SYN3: variants seen among roughly 807,000 people sequenced by gnomAD.
SYN3 encodes the protein synapsin-3.
Under a neutral mutation model 65.8 loss-of-function variants are expected in SYN3, and 35 were observed. The ratio of observed to expected loss-of-function variants is 0.53; its 90% CI spans 0.41 to 0.70. The LOEUF (loss-of-function observed/expected upper bound fraction) is 0.70. Among genes scored for constraint, SYN3 ranks in the 30% least tolerant of loss-of-function variants. SYN3 has a pLI of 0.00. For synonymous variants in SYN3, 270 were observed against 292.9 expected, an observed-to-expected ratio of 0.92 and a Z score of 0.80; for missense variants, 680 against 749.0, an observed-to-expected ratio of 0.91 and a Z score of 1.08.
intron 6 of SYN3, among the ~76,000 whole-genome samples, chr22:32,729,649 C>T (rs551513308): frequency 2.0e-5 from 3 of 152,220 alleles, no homozygotes; most frequent in Admixed American, 2.0e-4. Flanking sequence ...AATGACATCA[C>T]TCTCACTGAC....
intron 1 of SYN3, among the ~76,000 whole-genome samples, chr22:33,055,417 G>A (rs1436920317): frequency 6.6e-6 from 1 of 152,128 alleles, no homozygotes; most frequent in African/African-American, 2.4e-5. Flanking sequence ...TGATCTTGGC[G>A]TTGCCGGATC....
intron 6 of SYN3, among the ~76,000 whole-genome samples, chr22:32,646,886 G>A (rs949807672): frequency 8.5e-5 from 13 of 152,232 alleles, no homozygotes; most frequent in Non-Finnish European, 1.8e-4. Context: ...AGTGAGTGGA[G>A]ACCTGTTTGG....
intron 3 of SYN3, among the ~76,000 whole-genome samples, chr22:32,950,894 G>T (rs1601768087): frequency 6.6e-6 from 1 of 152,152 alleles, no homozygotes; most frequent in East Asian, 1.9e-4. Context: ...GGGTGGTGCT[G>T]GTGATTGTCA....
intron 6 of SYN3, among the ~76,000 whole-genome samples, chr22:32,599,238 TG>T (rs1479861280): frequency 6.6e-6 from 1 of 152,108 alleles, no homozygotes; most frequent in East Asian, 1.9e-4. Flanking sequence ...ATTTCACATA[TG>T]GAAAAAGCCT....
intron 5 of SYN3, among the ~76,000 whole-genome samples, chr22:32,867,403 CA>C (rs1276308248): frequency 6.6e-6 from 1 of 152,194 alleles, no homozygotes; most frequent in Admixed American, 6.5e-5. Flanking sequence ...CTAGGACTTA[CA>C]ACAGCACCTG....
rs2046597607 is a variant in SYN3 at position 32,801,980 on chromosome 22, G to A, written c.711+62935C>T. The A allele has an allele frequency of 1.9e-6, 3 of 1,580,612 alleles. No individual in the cohort carries two copies. The highest frequency in any genetic ancestry group is 1.8e-4 in the Middle Eastern group (1 of 5,418). ...CTTTGGAGAGGCGAGCAGCAGCCCCGGCAGCGGCGGCAGCAGCGGCAATGA... is the reference window on the plus strand; with the variant it reads ...CTTTGGAGAGGCGAGCAGCAGCCCCAGCAGCGGCGGCAGCAGCGGCAATGA... On this transcript the variant is annotated intron_variant, in intron 6 of 13. Coordinates refer to ENST00000358763, the MANE Select transcript of SYN3 (RefSeq NM_003490.4). This position sits in a 1 kb window ranked among gnomAD's most constrained non-coding sequence, Gnocchi z 4.7.
At chr22:32,876,360 C>CAT (rs929762408) in intron 4 of SYN3, among the ~76,000 whole-genome samples, 55 of 152,286 alleles carry the variant, frequency 3.6e-4, no homozygotes, top group African/African-American at 1.3e-3. Flanking sequence ...GGGGGACACA[C>CAT]ATATTCAGAC....
At chr22:32,876,798 G>GGA (rs1196923240) in intron 4 of SYN3, among the ~76,000 whole-genome samples, 3 of 152,204 alleles carry the variant, frequency 2.0e-5, no homozygotes, top group Non-Finnish European at 4.4e-5. Context: ...AGGCCTGGAA[G>GGA]GAGAGATGAA....
In SYN3 at chr22:32,946,685, T is replaced by C. The variant is rs546111806; in HGVS notation, c.370-15204A>G. The stretch of plus-strand genomic sequence containing the variant: ...TGCACATGTACCCTAGAACTTAAAG[T>C]ATAATAAAAAAAACTTTTTTCCCTT... On this transcript the variant is annotated intron_variant, in intron 3 of 13. Coordinates refer to ENST00000358763, the MANE Select transcript of SYN3 (RefSeq NM_003490.4). Among the ~76,000 whole-genome samples the C allele has an allele frequency of 6.4e-3, 972 of 152,192 alleles. 8 individuals carry two copies. The highest frequency in any genetic ancestry group is 9.9e-3 in the Non-Finnish European group (674 of 67,990).
chr22:32,700,028 G>A (rs193086600), intron 6 of SYN3, among the ~76,000 whole-genome samples: 4 of 152,230 alleles, frequency 2.6e-5, no homozygotes, highest in African/African-American at 7.2e-5. Flanking sequence ...TCTCAGGCCC[G>A]GAACTCAGGT....
intron 6 of SYN3, among the ~76,000 whole-genome samples, chr22:32,774,907 G>A (rs2045872153): frequency 6.6e-6 from 1 of 152,206 alleles, no homozygotes; most frequent in Non-Finnish European, 1.5e-5. Context: ...GTCTTGTCTG[G>A]TTACCCATTC....
At chr22:32,635,400 G>A (rs2146843111) in intron 6 of SYN3, among the ~76,000 whole-genome samples, 2 of 152,312 alleles carry the variant, frequency 1.3e-5, no homozygotes, top group South Asian at 4.1e-4. Flanking sequence ...CTAGGTGGAT[G>A]AGCATTCCCA....
intron 6 of SYN3, among the ~76,000 whole-genome samples, chr22:32,821,489 T>C (rs571641100): frequency 6.6e-6 from 1 of 152,334 alleles, no homozygotes; most frequent in Non-Finnish European, 1.5e-5. Flanking sequence ...ATTAATATAA[T>C]GGATGGTCCA....
Position 32,857,416 on chromosome 22 carries a change from G to A in SYN3, c.711+7499C>T. 6.1e-6 allele frequency: 8 copies of A among 1,305,566 alleles called. No homozygotes were observed. The South Asian group carries it at 9.5e-5, about 15-fold the overall frequency. The allele number at this position is 1,305,566 out of a possible 1,614,324, so 80.9% of individuals were successfully genotyped here. ...GTTTGGCCAAGGTCCACTGTTTCTT[G>A]ACTTCAGAAGAACACATACGGAGTA... is the stretch of plus-strand genomic sequence containing the variant. On this transcript the variant is annotated intron_variant, in intron 6 of 13. Transcript: ENST00000358763.
chr22:32,986,939 T>C (rs1358975384), intron 2 of SYN3, among the ~76,000 whole-genome samples: 3 of 151,862 alleles, frequency 2.0e-5, no homozygotes, highest in Non-Finnish European at 4.4e-5. Context: ...AAATCCCTAG[T>C]TGAGGGAGGT....
rs759428304 is a variant in SYN3 at position 32,510,318 on chromosome 22, T to G, written c.*3374A>C. On this transcript the variant is annotated 3_prime_UTR_variant, in exon 14 of 14. Transcript: ENST00000358763. Reference sequence around the variant, plus strand: ...TCCTGTGACCAGAAATTCGGACTCCTTTAGTCCGACATGAAGCTTCATCTG... The same window carrying G: ...TCCTGTGACCAGAAATTCGGACTCCGTTAGTCCGACATGAAGCTTCATCTG... 2.0e-5 allele frequency among the ~76,000 whole-genome samples: 3 copies of G among 152,216 alleles called. No homozygotes were observed. Among genetic ancestry groups the G allele is most frequent in the Non-Finnish European group, 4.4e-5 (3 of 68,036 alleles).
intron 4 of SYN3, among the ~76,000 whole-genome samples, chr22:32,888,386 T>C (rs183394521): frequency 1.4e-4 from 22 of 152,208 alleles, no homozygotes; most frequent in Admixed American, 1.1e-3. Flanking sequence ...GATCATATAG[T>C]GCCTATATAT....
intron 6 of SYN3, among the ~76,000 whole-genome samples, chr22:32,774,216 T>C (rs2145791524): frequency 6.6e-6 from 1 of 152,242 alleles, no homozygotes; most frequent in South Asian, 2.1e-4. Context: ...TCACCCTTGG[T>C]CCCTGTAAAT....
intron 1 of SYN3, among the ~76,000 whole-genome samples, chr22:33,013,270 G>A (rs964285737): frequency 3.3e-5 from 5 of 152,160 alleles, no homozygotes; most frequent in Admixed American, 3.3e-4. Flanking sequence ...CTTACAGGCT[G>A]GCAAAGGGAG....
Sources: allele counts gnomAD v4.1 joint callset (sites outside exome capture counted in the v4.1 genomes callset), GRCh38; gene constraint gnomAD v4.1.1; non-coding constraint Gnocchi (gnomAD v3.1); transcripts MANE v1.5; gene names NCBI Gene and HGNC (gene_info 2026-07-23, HGNC 2026-07-21).